The following SAP30BP variants were observed in gnomAD, a reference collection of about 807,000 sequenced individuals.
SAP30BP encodes the protein SAP30 binding protein.
A neutral mutation model predicts 46.3 loss-of-function variants in SAP30BP; 31 were observed. The observed-to-expected ratio is 0.67, with a 90% CI of 0.50 to 0.90. SAP30BP has a LOEUF of 0.90. SAP30BP is among the 40% of genes least tolerant of loss of function. SAP30BP has a pLI of 0.00. For missense variants in SAP30BP, 312 were observed against 391.0 expected (o/e 0.80, Z 1.70); for synonymous variants, 169 against 144.2 (o/e 1.17, Z -1.23).
chr17:75,673,369 C>T (rs1401744629), intron 3 of SAP30BP, among the ~76,000 whole-genome samples: 1 of 152,182 alleles, frequency 6.6e-6, no homozygotes, highest in Non-Finnish European at 1.5e-5. Flanking sequence ...CAAAGTCAGT[C>T]ACAGCTCTCC....
At chr17:75,674,686 GTTTGTTTTTTGTTTTTTTTTTT>G (rs2059958173) in intron 3 of SAP30BP, among the ~76,000 whole-genome samples, 1 of 57,016 alleles carries the variant, frequency 1.8e-5, no homozygotes, top group African/African-American at 6.8e-5. Flanking sequence ...AAGTTTTTTT[GTTTGTTTTTTGTTTTTTTTTTT>G]TTTTTTTTTT....
At position 75,699,981 on chromosome 17, in the gene SAP30BP, C is replaced by T. The variant is rs1478383647; in HGVS notation, c.396+110C>T. 3.1e-5 allele frequency: 23 copies of T among 751,366 alleles called. 1 individual carries two copies. The highest frequency in any genetic ancestry group is 2.2e-6 in the Non-Finnish European group (1 of 452,430). 46.5% of individuals were successfully genotyped at this position (751,366 alleles called of 1,614,324 possible). On this transcript the variant is annotated intron_variant, in intron 5 of 10. Coordinates refer to ENST00000584667, the MANE Select transcript of SAP30BP (RefSeq NM_013260.8). ...ATGGCAGGGAAAGGGACTGAGGCTT[C>T]TATAAAAGAAACTGACAGGTGGGAA... is the stretch of plus-strand genomic sequence containing the variant.
intron 4 of SAP30BP, among the ~76,000 whole-genome samples, chr17:75,698,214 A>C (rs1004352153): frequency 1.3e-5 from 2 of 152,358 alleles, no homozygotes; most frequent in Middle Eastern, 3.4e-3. Flanking sequence ...CAGATCTCTA[A>C]GGAAATTGTC....
intron 6 of SAP30BP, chr17:75,703,024 G>A (rs2060437506): frequency 4.2e-6 from 2 of 474,876 alleles, no homozygotes; most frequent in African/African-American, 1.9e-5. Flanking sequence ...AGGGAAAAGA[G>A]CATGGCCCTT....
intron 3 of SAP30BP, among the ~76,000 whole-genome samples, chr17:75,685,171 TCCCTTCGGGCC>T (rs2060138384): frequency 6.6e-6 from 1 of 152,066 alleles, no homozygotes; most frequent in East Asian, 1.9e-4. Flanking sequence ...CATACCTCCT[TCCCTTCGGGCC>T]AGATGCCATG....
intron 3 of SAP30BP, among the ~76,000 whole-genome samples, chr17:75,686,928 T>C (rs1418802643): frequency 6.6e-6 from 1 of 152,230 alleles, no homozygotes; most frequent in Non-Finnish European, 1.5e-5. Context: ...GGAGGTATTT[T>C]ATAAAGGTAA....
chr17:75,693,489 A>T lies in SAP30BP; in HGVS notation c.307+7A>T. 6.2e-7 allele frequency: 1 copy of T among 1,613,346 alleles called. No homozygotes were observed. Among genetic ancestry groups the T allele is most frequent in the South Asian group, 1.1e-5 (1 of 90,996 alleles). On this transcript the variant is annotated splice_region_variant and intron_variant, in intron 4 of 10. Transcript: ENST00000584667. ...GACCCCCAGGAACTCGTGGGTGAGTATTGGGGGATCCTGGGGGCACGTTTC... is the reference window on the plus strand; with the variant it reads ...GACCCCCAGGAACTCGTGGGTGAGTTTTGGGGGATCCTGGGGGCACGTTTC...
intron 3 of SAP30BP, among the ~76,000 whole-genome samples, chr17:75,682,638 A>G (rs1183808895): frequency 2.6e-5 from 4 of 152,212 alleles, no homozygotes; most frequent in Non-Finnish European, 5.9e-5. Context: ...TATGACACAA[A>G]TGAACAGTTA....
chr17:75,678,682 T>A (rs1316174967), intron 3 of SAP30BP, among the ~76,000 whole-genome samples: 1 of 152,082 alleles, frequency 6.6e-6, no homozygotes, highest in African/African-American at 2.4e-5. Flanking sequence ...AAGAGCAGAT[T>A]CCATGTTTTA....
At chr17:75,702,207 G>A (rs1377079968) in intron 5 of SAP30BP, among the ~76,000 whole-genome samples, 1 of 152,134 alleles carries the variant, frequency 6.6e-6, no homozygotes, top group African/African-American at 2.4e-5. Flanking sequence ...TGTATTTTTA[G>A]TAGAGATGGG....
intron 2 of SAP30BP, among the ~76,000 whole-genome samples, chr17:75,669,518 C>T (rs1290756748): frequency 1.3e-5 from 2 of 152,164 alleles, no homozygotes; most frequent in East Asian, 1.9e-4. Flanking sequence ...GCTGGGATTA[C>T]AGGCGTGAGC....
chr17:75,699,229 A>T (rs2060368433), intron 4 of SAP30BP, among the ~76,000 whole-genome samples: 2 of 152,022 alleles, frequency 1.3e-5, no homozygotes, highest in Non-Finnish European at 1.5e-5. Flanking sequence ...TTGAGACAAG[A>T]GTCTTACTTT....
rs753387850 is a variant in SAP30BP at position 75,703,806 on chromosome 17, A to C, written c.550-2A>C. ...CTGAGTCATTCGCCTTTTCCTTTGC[A>C]GGATATGTTTGATCCCCATGGCTGG... On this transcript the variant is annotated splice_acceptor_variant, in intron 7 of 10. Coordinates refer to ENST00000584667, the MANE Select transcript of SAP30BP (RefSeq NM_013260.8). LOFTEE classifies it high-confidence loss of function. 1.9e-6 allele frequency: 3 copies of C among 1,613,482 alleles called. No homozygotes were observed. The highest frequency in any genetic ancestry group is 2.5e-6 in the Non-Finnish European group (3 of 1,179,384).
chr17:75,693,380 A>G (rs2148406457), intron 3 of SAP30BP, 60 bp from the exon 4 acceptor site: 2 of 1,421,006 alleles, frequency 1.4e-6, no homozygotes, highest in Non-Finnish European at 2.0e-6. Context: ...TGGTCTCAGT[A>G]GAGAGTAGCT....
chr17:75,693,256 G>A (rs1209200084), intron 3 of SAP30BP, 184 bp from the exon 4 acceptor site: 1 of 584,016 alleles, frequency 1.7e-6, no homozygotes, highest in Admixed American at 3.1e-5. Context: ...CTGCTGCGAT[G>A]CGGGAAGAAG....
chr17:75,693,370 T>C lies in SAP30BP; in HGVS notation c.265-70T>C, dbSNP rs768024767. On this transcript the variant is annotated intron_variant, in intron 3 of 10. Transcript: ENST00000584667. ...TTTCTCCTTCCTTAAAAATCCTGAG[T>C]GGTCTCAGTAGAGAGTAGCTGGTTC... The C allele has an allele frequency of 4.5e-5, 59 of 1,305,178 alleles. No individual in the cohort carries two copies. In the African/African-American group the frequency reaches 7.3e-4, roughly 16 times the overall value. 80.8% of individuals were successfully genotyped at this position (1,305,178 alleles called of 1,614,324 possible).
intron 4 of SAP30BP, among the ~76,000 whole-genome samples, chr17:75,699,209 A>T (rs1021958819): frequency 1.3e-5 from 2 of 151,848 alleles, no homozygotes; most frequent in Non-Finnish European, 2.9e-5. Flanking sequence ...TATGTATTTT[A>T]TTTTCCTTTT....
chr17:75,703,907 G>A (rs2060454271), intron 8 of SAP30BP, 48 bp downstream of exon 8: 3 of 1,354,914 alleles, frequency 2.2e-6, no homozygotes, highest in Non-Finnish European at 3.2e-6. Context: ...CCACCCGACT[G>A]TCCCTTTATC....
At chr17:75,691,646 A>G (rs1420174657) in intron 3 of SAP30BP, 4 of 370,536 alleles carry the variant, frequency 1.1e-5, no homozygotes, top group East Asian at 7.2e-5. Context: ...AGTTGAGTCC[A>G]TGAGAAGGGG....
Sources: allele counts gnomAD v4.1 joint callset (sites outside exome capture counted in the v4.1 genomes callset), GRCh38; gene constraint gnomAD v4.1.1; transcripts MANE v1.5; gene names NCBI Gene and HGNC (gene_info 2026-07-23, HGNC 2026-07-21).